Variants in GRIA3 observed in about 807,000 individuals in gnomAD.
GRIA3 encodes the protein glutamate receptor 3.
In GRIA3, 3 loss-of-function variants were observed where a neutral mutation model predicts 63.0. That is an observed-to-expected ratio of 0.05 (90% CI 0.02 to 0.12). GRIA3 has a LOEUF of 0.12. Ranked by LOEUF, GRIA3 falls within the 10% of genes least tolerant of loss-of-function variation. GRIA3 has a pLI of 1.00. For missense variants in GRIA3, 347 were observed against 700.9 expected (o/e 0.50, Z 5.70); for synonymous variants, 274 against 257.9 (o/e 1.06, Z -0.60).
At chrX:123,245,314 C>T (rs898241210) in intron 2 of GRIA3, among the ~76,000 whole-genome samples, 16 of 111,336 alleles carry the variant, frequency 1.4e-4, no homozygotes, top group African/African-American at 4.9e-4. Context: ...CTGGGTGAGG[C>T]TGTTTTATGG....
chrX:123,359,819 T>A (rs895544598), intron 5 of GRIA3, among the ~76,000 whole-genome samples: 1 of 112,056 alleles, frequency 8.9e-6, no homozygotes, highest in South Asian at 3.8e-4. Flanking sequence ...GTTGCACCAG[T>A]TAACCACTGC....
At chrX:123,277,160 T>C (rs1350774911) in intron 3 of GRIA3, among the ~76,000 whole-genome samples, 2 of 110,468 alleles carry the variant, frequency 1.8e-5, no homozygotes, top group Non-Finnish European at 3.8e-5. Flanking sequence ...TATTTATTCA[T>C]GGGGTACATG....
intron 12 of GRIA3, among the ~76,000 whole-genome samples, chrX:123,442,067 C>T (rs1012523065): frequency 8.9e-6 from 1 of 111,942 alleles, no homozygotes; most frequent in Non-Finnish European, 1.9e-5. Flanking sequence ...TCATACAATA[C>T]GGATACGTGG....
intron 5 of GRIA3, among the ~76,000 whole-genome samples, chrX:123,376,912 C>T (rs1345640225): frequency 9.5e-6 from 1 of 105,755 alleles, no homozygotes; most frequent in African/African-American, 3.4e-5. Context: ...TCTTATCACT[C>T]CCCTCTTCTT....
intron 15 of GRIA3, among the ~76,000 whole-genome samples, chrX:123,484,007 C>T (rs1188180116): frequency 9.0e-6 from 1 of 111,495 alleles, no homozygotes; most frequent in African/African-American, 3.3e-5. Context: ...AGAGGTGGTT[C>T]TTTTAAGTAA....
At chrX:123,383,202 A>G (rs1449063429) in intron 5 of GRIA3, among the ~76,000 whole-genome samples, 2 of 112,449 alleles carry the variant, frequency 1.8e-5, no homozygotes, top group Admixed American at 1.9e-4. Context: ...ATATATTGTC[A>G]CATGCATAGA....
chrX:123,367,764 GT>G (rs2045221692), intron 5 of GRIA3, among the ~76,000 whole-genome samples: 1 of 111,174 alleles, frequency 9.0e-6, no homozygotes, highest in South Asian at 3.7e-4. Context: ...TTGTTTGTTT[GT>G]TTTTTCTGAA....
chrX:123,209,070 G>C (rs148877922), intron 2 of GRIA3, among the ~76,000 whole-genome samples: 58 of 111,810 alleles, frequency 5.2e-4, no homozygotes, highest in Middle Eastern at 4.6e-3. Context: ...GTTTCAGTGA[G>C]AGGTAAAAAT....
chrX:123,379,800 C>G (rs1200283381), intron 5 of GRIA3, among the ~76,000 whole-genome samples: 3 of 79,888 alleles, frequency 3.8e-5, no homozygotes, highest in Admixed American at 1.5e-4. Flanking sequence ...CCCCTCCCCC[C>G]ACCCCACAAC....
intron 5 of GRIA3, among the ~76,000 whole-genome samples, chrX:123,364,687 T>G (rs1296028365): frequency 6.2e-5 from 7 of 112,405 alleles, no homozygotes; most frequent in Non-Finnish European, 1.1e-4. Flanking sequence ...TGCAGCACTA[T>G]TCACAATAAT....
At chrX:123,221,547 C>G (rs1043555889) in intron 2 of GRIA3, among the ~76,000 whole-genome samples, 11 of 111,917 alleles carry the variant, frequency 9.8e-5, no homozygotes, top group African/African-American at 3.6e-4. Flanking sequence ...GTGAGACTAT[C>G]CAGGATATTG....
Position 123,275,600 on chromosome X carries a change from A to C in GRIA3, c.508+22058A>C, listed in dbSNP as rs865937018. ...GAAGGAGCCTAGTGACTTTCTCAGC[A>C]TCATCATGTTCTAATTAAATGAACT... On this transcript the variant is annotated intron_variant, in intron 3 of 15. Coordinates refer to ENST00000620443, the MANE Select transcript of GRIA3 (RefSeq NM_007325.5). Among the ~76,000 whole-genome samples, 4 of 112,293 alleles carry C rather than the reference A, an allele frequency of 3.6e-5. No individual in the cohort carries two copies. In the Middle Eastern group the frequency reaches 0.014, roughly 390 times the overall value.
At position 123,347,026 on chromosome X, in the gene GRIA3, T is replaced by C. The variant is rs192939103; in HGVS notation, c.697-7884T>C. Among the ~76,000 whole-genome samples, 10 of 112,233 alleles carry C rather than the reference T, an allele frequency of 8.9e-5. No individual in the cohort carries two copies. In the East Asian group the frequency reaches 2.8e-3, roughly 31 times the overall value. ...TTTTGTGGTGTTAGTACTCTCATCA[T>C]GGCTGATTTCAAGCAACCAATGGTT... On this transcript the variant is annotated intron_variant, in intron 4 of 15. Transcript: ENST00000620443.
At chrX:123,318,043 G>A (rs1399110519) in intron 3 of GRIA3, among the ~76,000 whole-genome samples, 5 of 112,588 alleles carry the variant, frequency 4.4e-5, no homozygotes, top group African/African-American at 9.7e-5. Flanking sequence ...CATGGAAGCC[G>A]CCAAGGCTTG....
chrX:123,334,585 C>T (rs1199629307), intron 4 of GRIA3, among the ~76,000 whole-genome samples: 1 of 112,035 alleles, frequency 8.9e-6, no homozygotes, highest in Non-Finnish European at 1.9e-5. Context: ...TCCCATTAAA[C>T]AAAAATCTGA....
At chrX:123,348,112 C>G (rs1270925415) in intron 4 of GRIA3, among the ~76,000 whole-genome samples, 1 of 111,622 alleles carries the variant, frequency 9.0e-6, no homozygotes, top group African/African-American at 3.3e-5. Flanking sequence ...TACTCAGTAC[C>G]CATACAGTGC....
At chrX:123,462,227 T>C (rs2045796797) in intron 12 of GRIA3, among the ~76,000 whole-genome samples, 2 of 111,649 alleles carry the variant, frequency 1.8e-5, no homozygotes, top group Non-Finnish European at 3.8e-5. Flanking sequence ...CATATGGCAG[T>C]GAGAGTAATC....
chrX:123,354,297 CAAG>C, intron 4 of GRIA3, among the ~76,000 whole-genome samples: 1 of 111,592 alleles, frequency 9.0e-6, no homozygotes, highest in Middle Eastern at 4.6e-3. Context: ...CAGGCATTGC[CAAG>C]TGTCCTCGAG....
chrX:123,356,498 A>G (rs1464699380), intron 5 of GRIA3, among the ~76,000 whole-genome samples: 2 of 111,864 alleles, frequency 1.8e-5, no homozygotes, highest in Admixed American at 1.9e-4. Context: ...TTTTAATGAA[A>G]ATATATTTCC....
Sources: allele counts gnomAD v4.1 joint callset (sites outside exome capture counted in the v4.1 genomes callset), GRCh38; gene constraint gnomAD v4.1.1; transcripts MANE v1.5; gene names NCBI Gene and HGNC (gene_info 2026-07-23, HGNC 2026-07-21).